LRRC7: variants seen among roughly 807,000 people sequenced by gnomAD.
The protein encoded by LRRC7 is leucine-rich repeat-containing protein 7.
A neutral mutation model predicts 175.7 loss-of-function variants in LRRC7; 23 were observed. That is an observed-to-expected ratio of 0.13 (90% confidence interval 0.09 to 0.19). The LOEUF (loss-of-function observed/expected upper bound fraction) is 0.19. Ranked by LOEUF, LRRC7 falls within the 10% of genes least tolerant of loss-of-function variation. LRRC7 has a pLI of 1.00. For missense variants in LRRC7, 1,354 were observed against 1,904.7 expected (o/e 0.71, Z 5.38); for synonymous variants, 685 against 680.9 (o/e 1.01, Z -0.09).
intron 9 of LRRC7, 45 bp downstream of exon 9, chr1:69,980,498 C>T (rs754758861): frequency 9.3e-6 from 13 of 1,393,016 alleles, no homozygotes; most frequent in South Asian, 4.9e-5. Context: ...ATTTGTTATA[C>T]GTTTGTTGTA....
intron 9 of LRRC7, among the ~76,000 whole-genome samples, chr1:69,983,015 T>C (rs1653588051): frequency 1.3e-5 from 2 of 152,034 alleles, no homozygotes; most frequent in South Asian, 4.1e-4. Flanking sequence ...AAGGAGAAAA[T>C]AAATTTTCTC....
chr1:69,929,393 A>C (rs1355479668), intron 7 of LRRC7, among the ~76,000 whole-genome samples: 1 of 152,174 alleles, frequency 6.6e-6, no homozygotes, highest in Non-Finnish European at 1.5e-5. Flanking sequence ...ACCCTGCTCC[A>C]CTTGGTCTTC....
intron 7 of LRRC7, among the ~76,000 whole-genome samples, chr1:69,902,743 G>A (rs1646172512): frequency 6.6e-6 from 1 of 152,144 alleles, no homozygotes; most frequent in Non-Finnish European, 1.5e-5. Flanking sequence ...TTATCACATT[G>A]ACAAAAAATT....
At chr1:69,797,375 C>T (rs2101081024) in intron 4 of LRRC7, among the ~76,000 whole-genome samples, 1 of 152,232 alleles carries the variant, frequency 6.6e-6, no homozygotes, top group South Asian at 2.1e-4. Context: ...TCATTTTGGG[C>T]ATCACTATAT....
intron 7 of LRRC7, among the ~76,000 whole-genome samples, chr1:69,924,576 T>A (rs1198585115): frequency 6.6e-6 from 1 of 152,180 alleles, no homozygotes; most frequent in Admixed American, 6.6e-5. Context: ...GAATGGGAGT[T>A]CACTCATGAT....
chr1:69,919,337 C>A (rs1410998659), intron 7 of LRRC7: 2 of 584,890 alleles, frequency 3.4e-6, no homozygotes, highest in African/African-American at 1.9e-5. Flanking sequence ...TTTACAAAAA[C>A]AAGAGCGTGA....
intron 7 of LRRC7, among the ~76,000 whole-genome samples, chr1:69,891,388 G>T (rs1645828016): frequency 6.6e-6 from 1 of 152,170 alleles, no homozygotes. Flanking sequence ...TCTTATATGG[G>T]CATGGTTCAT....
intron 7 of LRRC7, among the ~76,000 whole-genome samples, chr1:69,922,114 G>A (rs899426551): frequency 1.3e-5 from 2 of 151,712 alleles, no homozygotes; most frequent in African/African-American, 2.4e-5. Flanking sequence ...TTAGAGAGAC[G>A]GGGGTTTCAC....
intron 7 of LRRC7, among the ~76,000 whole-genome samples, chr1:69,858,263 G>A (rs1225839318): frequency 6.6e-6 from 1 of 152,096 alleles, no homozygotes; most frequent in Non-Finnish European, 1.5e-5. Flanking sequence ...TGACAAATGG[G>A]ATCTAATTAA....
chr1:69,690,646 G>A (rs1661741916), intron 2 of LRRC7, among the ~76,000 whole-genome samples: 1 of 152,084 alleles, frequency 6.6e-6, no homozygotes, highest in Admixed American at 6.6e-5. Flanking sequence ...ACTGTTAAAG[G>A]ACCAACAGGT....
rs184044642 is a variant in LRRC7 at position 69,928,159 on chromosome 1, C to T, written c.648-3348C>T. 2.6e-5 allele frequency among the ~76,000 whole-genome samples: 4 copies of T among 152,242 alleles called. No individual in the cohort carries two copies. In the South Asian group the frequency reaches 8.3e-4, roughly 32 times the overall value. The stretch of plus-strand genomic sequence containing the variant: ...TGAATGCTGCTGTCTGATCGTTCCT[C>T]TGGAAGTTTTGTCTCAGAGGAGTAC... On this transcript the variant is annotated intron_variant, in intron 7 of 26. Transcript: ENST00000651989.
chr1:69,911,309 A>G (rs1292768079), intron 7 of LRRC7, among the ~76,000 whole-genome samples: 1 of 152,218 alleles, frequency 6.6e-6, no homozygotes, highest in Non-Finnish European at 1.5e-5. Context: ...TGGGAGCTGT[A>G]GACTGGAGCT....
chr1:70,089,610 A>T, intron 24 of LRRC7, 117 bp from the exon 25 acceptor site: 1 of 654,510 alleles, frequency 1.5e-6, no homozygotes, highest in Non-Finnish European at 2.6e-6. Context: ...TCAACTCAAC[A>T]TAGGCTAACC....
At chr1:69,704,152 T>C (rs1023739859) in intron 2 of LRRC7, among the ~76,000 whole-genome samples, 15 of 152,160 alleles carry the variant, frequency 9.9e-5, no homozygotes, top group African/African-American at 3.6e-4. Context: ...TAAGTTATCT[T>C]TTTCTTTTCT....
chr1:70,103,984 C>T (rs975501271), intron 25 of LRRC7, among the ~76,000 whole-genome samples: 7 of 152,106 alleles, frequency 4.6e-5, no homozygotes, highest in Admixed American at 2.0e-4. Context: ...ATAATTTGTC[C>T]TTCATTTAGC....
At chr1:69,684,847 C>G (rs575391239) in intron 2 of LRRC7, among the ~76,000 whole-genome samples, 1 of 152,060 alleles carries the variant, frequency 6.6e-6, no homozygotes, top group Admixed American at 6.6e-5. Context: ...TTCTATAATC[C>G]CAATCGACAG....
At chr1:69,826,620 G>A (rs1376684340) in intron 5 of LRRC7, among the ~76,000 whole-genome samples, 1 of 152,088 alleles carries the variant, frequency 6.6e-6, no homozygotes, top group Non-Finnish European at 1.5e-5. Flanking sequence ...AAATAAGTCA[G>A]TTGTATTGGG....
intron 2 of LRRC7, among the ~76,000 whole-genome samples, chr1:69,687,226 A>C (rs1384892259): frequency 6.6e-6 from 1 of 152,140 alleles, no homozygotes; most frequent in South Asian, 2.1e-4. Flanking sequence ...CTATTATTTT[A>C]GGACAGGCAC....
intron 6 of LRRC7, among the ~76,000 whole-genome samples, chr1:69,836,374 T>G (rs1324548853): frequency 6.6e-6 from 1 of 152,168 alleles, no homozygotes; most frequent in Middle Eastern, 3.4e-3. Context: ...GCCTTGCCTT[T>G]CTGGTACTGA....
Sources: gnomAD v4.1 joint callset for allele counts (sites outside exome capture counted in the v4.1 genomes callset) on GRCh38, gnomAD v4.1.1 for gene constraint, MANE v1.5 for transcripts, NCBI Gene and HGNC (gene_info 2026-07-23, HGNC 2026-07-21) for gene names.